The following CENPO variants were observed in gnomAD, a reference collection of about 807,000 sequenced individuals.
CENPO encodes centromere protein O.
In CENPO, 30 loss-of-function variants were observed where a neutral mutation model predicts 36.1. That is an observed-to-expected ratio of 0.83 (90% CI 0.62 to 1.13). CENPO has a LOEUF of 1.13. CENPO is among the 50% of genes most tolerant of loss of function. The pLI is 0.00. For missense variants in CENPO, 349 were observed against 357.8 expected (o/e 0.98, Z 0.20); for synonymous variants, 171 against 142.3 (o/e 1.20, Z -1.44).
Position 24,820,876 on chromosome 2 carries a change from AGCCACAG to A in CENPO, c.*1565_*1571del, listed in dbSNP as rs778942095. 10 of 1,611,702 alleles carry A rather than the reference AGCCACAG, an allele frequency of 6.2e-6. No individual in the cohort carries two copies. Among genetic ancestry groups the A allele is most frequent in the Non-Finnish European group, 8.5e-6 (10 of 1,178,618 alleles). ...AGGGTAGAGGCATAAAGTTCAGCACAGCCACAGGCCACACCTTGTTATGGGCCTCAGA... is the reference window on the plus strand; with the variant it reads ...AGGGTAGAGGCATAAAGTTCAGCACAGCCACACCTTGTTATGGGCCTCAGA... On this transcript the variant is annotated 3_prime_UTR_variant, in exon 8 of 8. Transcript: ENST00000380834.
chr2:24,811,201 T>C (rs1453745481), intron 3 of CENPO, among the ~76,000 whole-genome samples: 2 of 151,964 alleles, frequency 1.3e-5, no homozygotes, highest in Non-Finnish European at 2.9e-5. Flanking sequence ...GGTCCTGGCC[T>C]GCCAAAGTGC....
In CENPO at chr2:24,819,688, G is replaced by C. The variant is rs563292936; in HGVS notation, c.*370G>C. 4.7e-6 allele frequency: 2 copies of C among 428,490 alleles called. No homozygotes were observed. The highest frequency in any genetic ancestry group is 4.1e-5 in the African/African-American group (2 of 48,344). 26.5% of individuals were successfully genotyped at this position (428,490 alleles called of 1,614,324 possible). On this transcript the variant is annotated 3_prime_UTR_variant, in exon 8 of 8. Coordinates refer to ENST00000380834, the MANE Select transcript of CENPO (RefSeq NM_001322101.2). ...GGGCAAGGACGGCAGGGATTGGAAC[G>C]AGGGCTCTGGAAGGACTGTTCAGCC... is the stretch of plus-strand genomic sequence containing the variant.
At position 24,815,741 on chromosome 2, in the gene CENPO, G is replaced by C; in HGVS notation, c.579G>C (p.Gln193His). Residue 193 changes from glutamine to histidine, a missense_variant, in exon 5 of 8, where the codon CAG becomes CAC. By Grantham distance (24) the Gln-to-His change is conservative (BLOSUM62 0). Coordinates refer to ENST00000380834, the MANE Select transcript of CENPO (RefSeq NM_001322101.2). ...ATGCTTACTCTGGGAGGAAGTACCA[G>C]GCAGACCGGCTTCAGGTATCTCTCT... ...YLNAYSGRKY[Q>H]ADRLQSDFAA... 1 of 1,614,174 alleles carries C rather than the reference G, an allele frequency of 6.2e-7. No homozygotes were observed. Among genetic ancestry groups the C allele is most frequent in the South Asian group, 1.1e-5 (1 of 91,084 alleles).
chr2:24,821,747 G>A lies in CENPO; in HGVS notation c.*2429G>A. ...GGGGGTGGATTCCCTACACCTAGAT[G>A]TTCAAGGCCTTACTTTTCCTCCCAC... is the stretch of plus-strand genomic sequence containing the variant. On this transcript the variant is annotated 3_prime_UTR_variant, in exon 8 of 8. Transcript: ENST00000380834. The A allele has an allele frequency of 1.4e-6, 2 of 1,471,680 alleles. No individual in the cohort carries two copies. Among genetic ancestry groups the A allele is most frequent in the Admixed American group, 2.1e-5 (1 of 46,582 alleles). The allele number at this position is 1,471,680 out of a possible 1,614,324, so 91.2% of individuals were successfully genotyped here. A position where few individuals can be genotyped will look rare whatever the true frequency, so the allele number is the denominator to read the frequency against.
At chr2:24,801,262 T>C (rs1456923145) in intron 3 of CENPO, among the ~76,000 whole-genome samples, 7 of 152,216 alleles carry the variant, frequency 4.6e-5, no homozygotes, top group African/African-American at 1.7e-4. Flanking sequence ...AAAAATTTTC[T>C]CCCATTCTGT....
chr2:24,820,376 A>G lies in CENPO; in HGVS notation c.*1058A>G. On this transcript the variant is annotated 3_prime_UTR_variant, in exon 8 of 8. Coordinates refer to ENST00000380834, the MANE Select transcript of CENPO (RefSeq NM_001322101.2). The stretch of plus-strand genomic sequence containing the variant: ...TGGCCATGGTCACCTGGGTGGCAGC[A>G]CTGTTACCTGGAAACTGCCACTGCC... The G allele has an allele frequency of 7.6e-7, 1 of 1,319,666 alleles. No individual in the cohort carries two copies. 81.7% of individuals were successfully genotyped at this position (1,319,666 alleles called of 1,614,324 possible).
rs1667037345 is a variant in CENPO at position 24,817,949 on chromosome 2, A to G, written c.*35+108A>G. 9.3e-6 allele frequency: 8 copies of G among 859,194 alleles called. 1 individual carries two copies. In the South Asian group the frequency reaches 1.5e-4, roughly 16 times the overall value. 53.2% of individuals were successfully genotyped at this position (859,194 alleles called of 1,614,324 possible). Reference sequence around the variant, plus strand: ...ACCTACCTGTTCATCTGGATGGAAGAGCAGGTTTGAGTATAGACACTGGCA... The same window carrying G: ...ACCTACCTGTTCATCTGGATGGAAGGGCAGGTTTGAGTATAGACACTGGCA... On this transcript the variant is annotated intron_variant, in intron 7 of 7. Coordinates refer to ENST00000380834, the MANE Select transcript of CENPO (RefSeq NM_001322101.2).
chr2:24,796,234 G>T (rs914496926), intron 2 of CENPO, among the ~76,000 whole-genome samples: 6 of 152,116 alleles, frequency 3.9e-5, no homozygotes, highest in African/African-American at 1.4e-4. Flanking sequence ...CATGCCTGTA[G>T]TCCCAGCTAA....
At position 24,820,967 on chromosome 2, in the gene CENPO, CA is replaced by C; in HGVS notation, c.*1650del. ...TCCTAATGTAACACATCATTGTCCT[CA>C]TTCAACTTGGCTGTATGCTATTGGA... On this transcript the variant is annotated 3_prime_UTR_variant, in exon 8 of 8. Transcript: ENST00000380834. 7.0e-7 allele frequency: 1 copy of C among 1,419,338 alleles called. No homozygotes were observed. Among genetic ancestry groups the C allele is most frequent in the Non-Finnish European group, 9.6e-7 (1 of 1,042,952 alleles). 87.9% of individuals were successfully genotyped at this position (1,419,338 alleles called of 1,614,324 possible).
intron 3 of CENPO, among the ~76,000 whole-genome samples, chr2:24,808,903 CT>C (rs1666552133): frequency 7.0e-6 from 1 of 142,576 alleles, no homozygotes; most frequent in Non-Finnish European, 1.5e-5. Flanking sequence ...TTTTTCTATT[CT>C]TTGAAAGACT....
chr2:24,812,414 G>C (rs994937665), intron 3 of CENPO, among the ~76,000 whole-genome samples: 2 of 151,054 alleles, frequency 1.3e-5, no homozygotes, highest in African/African-American at 2.4e-5. Context: ...TTTTTATCCT[G>C]TTTGGTGCTT....
At chr2:24,810,077 G>C (rs1207828598) in intron 3 of CENPO, among the ~76,000 whole-genome samples, 1 of 150,404 alleles carries the variant, frequency 6.6e-6, no homozygotes. Flanking sequence ...CATTCTTATT[G>C]ATTTACTTGT....
At chr2:24,816,414 C>G (rs1666939921) in intron 5 of CENPO, 2 of 464,860 alleles carry the variant, frequency 4.3e-6, no homozygotes, top group African/African-American at 2.0e-5. Flanking sequence ...TCTTGCGAAG[C>G]TGTACCCCTG....
At chr2:24,817,388 G>A (rs957341611) in intron 6 of CENPO, among the ~76,000 whole-genome samples, 1 of 150,018 alleles carries the variant, frequency 6.7e-6, no homozygotes, top group Non-Finnish European at 1.5e-5. Context: ...ATCGGTCTTT[G>A]ATTTCTCTGC....
Position 24,819,742 on chromosome 2 carries a change from A to G in CENPO, c.*424A>G. ...TGCCTAAGACCCCTATGCTGGGGAC[A>G]CTACAGGCACACACAGGAATAGCAG... On this transcript the variant is annotated 3_prime_UTR_variant, in exon 8 of 8. Transcript: ENST00000380834. The G allele has an allele frequency of 1.6e-6, 1 of 617,064 alleles. No individual in the cohort carries two copies. Among genetic ancestry groups the G allele is most frequent in the Non-Finnish European group, 2.8e-6 (1 of 353,734 alleles). The allele number at this position is 617,064 out of a possible 1,614,324, so 38.2% of individuals were successfully genotyped here. A position where few individuals can be genotyped will look rare whatever the true frequency, so the allele number is the denominator to read the frequency against.
At chr2:24,800,683 T>G (rs1666121781) in intron 3 of CENPO, among the ~76,000 whole-genome samples, 1 of 152,132 alleles carries the variant, frequency 6.6e-6, no homozygotes. Flanking sequence ...TGCGTAATAT[T>G]CCATGGTGTA....
At chr2:24,812,049 C>T (rs931086164) in intron 3 of CENPO, among the ~76,000 whole-genome samples, 4 of 152,246 alleles carry the variant, frequency 2.6e-5, no homozygotes, top group East Asian at 1.9e-4. Context: ...TTTCCATCTG[C>T]GATTATTTTC....
chr2:24,814,639 C>T (rs199796000), intron 4 of CENPO, 146 bp downstream of exon 4: 1 of 474,690 alleles, frequency 2.1e-6, no homozygotes, highest in South Asian at 2.6e-5. Flanking sequence ...CACACACACA[C>T]AGACACACAC....
rs1006200300 is a variant in CENPO at position 24,819,945 on chromosome 2, A to G, written c.*627A>G. On this transcript the variant is annotated 3_prime_UTR_variant, in exon 8 of 8. Transcript: ENST00000380834. ...GCTCGAGGCCATTCAGGAGTTGTCC[A>G]CCACCTGGTGGGGCAGTGTGACAGA... The G allele has an allele frequency of 1.2e-6, 2 of 1,613,546 alleles. No individual in the cohort carries two copies. The highest frequency in any genetic ancestry group is 1.3e-5 in the African/African-American group (1 of 74,852).
Sources: gnomAD v4.1 joint callset for allele counts (sites outside exome capture counted in the v4.1 genomes callset) on GRCh38, gnomAD v4.1.1 for gene constraint, MANE v1.5 for transcripts, NCBI Gene and HGNC (gene_info 2026-07-23, HGNC 2026-07-21) for gene names.